KRTAP13-4: variants seen among roughly 807,000 people sequenced by gnomAD.
KRTAP13-4 encodes keratin associated protein 13-4, also known as keratin-associated protein 13-4.
For synonymous variants in KRTAP13-4, 80 were observed against 77.2 expected (o/e 1.04, Z -0.19); for missense variants, 198 against 189.6 (o/e 1.04, Z -0.26).
chr21:30,430,523 G>C (rs762715213), exon 1 of KRTAP13-4: 2 of 1,614,190 alleles, frequency 1.2e-6, no homozygotes, highest in Admixed American at 3.3e-5. Flanking sequence ...ACTTGCTCTG[G>C]ATCTCTAGGC....
rs111560893 is a variant in KRTAP13-4, at chr21:30,430,285, A to T, written c.10A>T (p.Asn4Tyr). 62 of 1,608,026 alleles carry T rather than the reference A, an allele frequency of 3.9e-5. 1 individual carries two copies. In the African/African-American group the frequency reaches 5.5e-4, roughly 14 times the overall value. Residue 4 changes from asparagine to tyrosine, a missense_variant, in exon 1 of 1, where the codon AAC becomes TAC. By Grantham distance (143) the Asn-to-Tyr change is moderately radical (BLOSUM62 -2). Coordinates refer to ENST00000334068, the Ensembl canonical transcript of KRTAP13-4. The stretch of plus-strand genomic sequence containing the variant: ...CCCATCTCTCATCAGCATGTCCTAC[A>T]ACTGCTGCTCTAGAAACTTCTCCTC...
chr21:30,430,450 G>A (rs2226548), exon 1 of KRTAP13-4: 926,463 of 1,613,764 alleles, frequency 0.57, 268,349 homozygotes, highest in Middle Eastern at 0.64. Flanking sequence ...CTGGGAGCCC[G>A]CCAGCTGCCA....
exon 1 of KRTAP13-4, chr21:30,430,434 G>T (rs777736648): frequency 6.2e-7 from 1 of 1,614,044 alleles, no homozygotes; most frequent in South Asian, 1.1e-5. Context: ...ACTGTCAGAA[G>T]ACCTGCTGGG....
chr21:30,430,838 A>G, exon 1 of KRTAP13-4: 4 of 1,491,956 alleles, frequency 2.7e-6, no homozygotes, highest in Non-Finnish European at 3.6e-6. Context: ...AGATCCCAAT[A>G]TCTTTTTATT....
chr21:30,430,325 G>A (rs1011665634), exon 1 of KRTAP13-4: 5 of 1,613,624 alleles, frequency 3.1e-6, no homozygotes, highest in Admixed American at 1.7e-5. Flanking sequence ...TCCTTTGGGG[G>A]CTACCTGTAC....
exon 1 of KRTAP13-4, chr21:30,430,376 C>T: frequency 2.5e-6 from 4 of 1,614,176 alleles, no homozygotes; most frequent in South Asian, 1.1e-5. Flanking sequence ...TACAGCACTG[C>T]CCTCTGCTCT....
exon 1 of KRTAP13-4, chr21:30,430,823 T>C: frequency 6.6e-7 from 1 of 1,513,210 alleles, no homozygotes; most frequent in Non-Finnish European, 8.9e-7. Flanking sequence ...ATTTTCATTC[T>C]TGCCAGATCC....
exon 1 of KRTAP13-4, chr21:30,430,313 G>A (rs79061358): frequency 0.011 from 17,418 of 1,612,412 alleles, 228 homozygotes; most frequent in Admixed American, 0.052. Context: ...TTCTCCTCCC[G>A]CTCCTTTGGG....
Position 30,430,434 on chromosome 21 carries a change from G to C in KRTAP13-4, c.159G>C (p.Lys53Asn), listed in dbSNP as rs777736648. ...CCTCTCTCTACAGGGACTGTCAGAA[G>C]ACCTGCTGGGAGCCCGCCAGCTGCC... Residue 53 changes from lysine to asparagine, a missense_variant, in exon 1 of 1, where the codon AAG becomes AAC. Lys to Asn is a moderately conservative substitution (Grantham distance 94). Coordinates refer to ENST00000334068, the Ensembl canonical transcript of KRTAP13-4. The C allele has an allele frequency of 2.5e-6, 4 of 1,614,044 alleles. No individual in the cohort carries two copies. The East Asian group carries it at 8.9e-5, about 36-fold the overall frequency.
At chr21:30,430,598 G>A in exon 1 of KRTAP13-4, 1 of 1,614,184 alleles carries the variant, frequency 6.2e-7, no homozygotes, top group Non-Finnish European at 8.5e-7. Context: ...CTGGGAAATG[G>A]ATCCAGTGGC....
chr21:30,430,542 C>T (rs1192406995), exon 1 of KRTAP13-4: 1 of 1,614,192 alleles, frequency 6.2e-7, no homozygotes, highest in East Asian at 2.2e-5. Context: ...GCTTTCGGTC[C>T]AGCAGCTGTC....
chr21:30,430,443 G>T (rs554825358), exon 1 of KRTAP13-4: 1 of 1,613,956 alleles, frequency 6.2e-7, no homozygotes, highest in Admixed American at 1.7e-5. Flanking sequence ...AGACCTGCTG[G>T]GAGCCCGCCA....
exon 1 of KRTAP13-4, chr21:30,430,923 T>C (rs1984447438): frequency 2.8e-6 from 2 of 711,572 alleles, no homozygotes; most frequent in Admixed American, 2.9e-5. Flanking sequence ...TATTAACTTC[T>C]AATATCTTTA....
At chr21:30,430,478 C>T in exon 1 of KRTAP13-4, 1 of 1,614,090 alleles carries the variant, frequency 6.2e-7, no homozygotes, top group East Asian at 2.2e-5. Flanking sequence ...TGCTACCGCC[C>T]CAGGACCTCC....
exon 1 of KRTAP13-4, chr21:30,430,533 C>G (rs545711028): frequency 1.9e-6 from 3 of 1,614,080 alleles, no homozygotes; most frequent in Non-Finnish European, 2.5e-6. Context: ...GATCTCTAGG[C>G]TTTCGGTCCA....
exon 1 of KRTAP13-4, chr21:30,430,864 T>A (rs1490220869): frequency 7.3e-7 from 1 of 1,368,526 alleles, no homozygotes; most frequent in Non-Finnish European, 1.0e-6. Context: ...ACCACCAGCT[T>A]CTTGCATGAC....
chr21:30,430,578 C>T (rs746754864), exon 1 of KRTAP13-4: 11 of 1,614,080 alleles, frequency 6.8e-6, no homozygotes, highest in Non-Finnish European at 8.5e-6. Context: ...GATCTAGGTG[C>T]TGCTACTCGC....
exon 1 of KRTAP13-4, chr21:30,430,697 C>T (rs778358845): frequency 5.6e-6 from 9 of 1,614,116 alleles, no homozygotes; most frequent in Non-Finnish European, 7.6e-6. Context: ...GCTTCTGGAG[C>T]CTGGCAGTCT....
exon 1 of KRTAP13-4, chr21:30,430,689 T>C (rs1055469949): frequency 4.3e-6 from 7 of 1,614,062 alleles, no homozygotes; most frequent in Non-Finnish European, 5.1e-6. Context: ...ACTACTTGGC[T>C]TCTGGAGCCT....
Sources: allele counts gnomAD v4.1 joint callset, GRCh38; gene constraint gnomAD v4.1.1; transcripts MANE v1.5; gene names NCBI Gene and HGNC (gene_info 2026-07-23, HGNC 2026-07-21).